Variants in CSMD3 observed in about 807,000 individuals in gnomAD.
CSMD3 encodes the protein CUB and Sushi multiple domains 3.
CSMD3 carries 177 observed loss-of-function variants against 435.2 expected under a neutral mutation model. The observed-to-expected ratio is 0.41, with a 90% CI of 0.36 to 0.46. CSMD3 has a LOEUF of 0.46. Ranked by LOEUF, CSMD3 falls within the 20% of genes least tolerant of loss-of-function variation. The pLI is 0.34. For missense variants in CSMD3, 4,265 were observed against 4,504.6 expected (o/e 0.95, Z 1.52); for synonymous variants, 1,656 against 1,520.5 (o/e 1.09, Z -2.07).
chr8:113,319,899 G>C (rs967213246), intron 1 of CSMD3, among the ~76,000 whole-genome samples: 2 of 151,886 alleles, frequency 1.3e-5, no homozygotes, highest in African/African-American at 4.8e-5. Context: ...AGTACATGTG[G>C]AACATCACCT....
rs2094708928 is a variant in CSMD3 at position 113,436,733 on chromosome 8, T to C, written c.122A>G (p.Lys41Arg). Residue 41 changes from lysine (K) to arginine (R), a missense_variant, in exon 1 of 71, where the codon AAA becomes AGA. Physicochemically the swap from Lys to Arg is conservative, Grantham distance 26. Around this residue, in one of 3 missense-constraint regions of CSMD3, gnomAD observed 731 missense variants for 755.4 expected, o/e 0.97. Transcript: ENST00000297405. ...GAGGTTCCAAAACGTAAATCCACTT[T>C]TAATCCCCATTTTCTTCATCAGGAT... ...DFILMKKMGI[K>R]SGFTFWNLVF... 6.2e-7 allele frequency: 1 copy of C among 1,614,072 alleles called. No individual in the cohort carries two copies. Among genetic ancestry groups the C allele is most frequent in the African/African-American group, 1.3e-5 (1 of 74,926 alleles).
At chr8:112,566,092 A>G (rs145805488) in intron 24 of CSMD3, among the ~76,000 whole-genome samples, 64 of 150,420 alleles carry the variant, frequency 4.3e-4, no homozygotes, top group African/African-American at 1.6e-3. Context: ...CATTAAATCT[A>G]TAAAACTTGA....
chr8:112,430,995 T>A (rs771013574), intron 32 of CSMD3, among the ~76,000 whole-genome samples: 3 of 152,092 alleles, frequency 2.0e-5, no homozygotes, highest in African/African-American at 4.8e-5. Context: ...TTTAATGCTC[T>A]GACTAGTTGT....
At chr8:113,316,813 A>C (rs1185169542) in intron 1 of CSMD3, among the ~76,000 whole-genome samples, 1 of 18,902 alleles carries the variant, frequency 5.3e-5, no homozygotes, top group Non-Finnish European at 8.2e-5. Context: ...GCCTCCAAAA[A>C]TGCTGGATTA....
intron 1 of CSMD3, among the ~76,000 whole-genome samples, chr8:113,377,528 G>T (rs1188681506): frequency 6.6e-6 from 1 of 152,154 alleles, no homozygotes; most frequent in Non-Finnish European, 1.5e-5. Flanking sequence ...CTATCTGAAA[G>T]CTGAGTTTTA....
chr8:112,836,132 T>C (rs1025388629), intron 11 of CSMD3, among the ~76,000 whole-genome samples: 4 of 152,038 alleles, frequency 2.6e-5, no homozygotes, highest in African/African-American at 9.6e-5. Flanking sequence ...TTAGGGATTC[T>C]GGACATATCT....
At chr8:112,757,402 A>C (rs1187267528) in intron 13 of CSMD3, among the ~76,000 whole-genome samples, 1 of 152,108 alleles carries the variant, frequency 6.6e-6, no homozygotes, top group Non-Finnish European at 1.5e-5. Flanking sequence ...ATATACATAT[A>C]TGTAATATTG....
chr8:113,201,667 T>C (rs908665686), intron 3 of CSMD3, among the ~76,000 whole-genome samples: 3 of 152,022 alleles, frequency 2.0e-5, no homozygotes, highest in Non-Finnish European at 4.4e-5. Context: ...TGGCTATTAC[T>C]ACAACCAGAG....
At chr8:112,747,021 T>A (rs2077442302) in intron 13 of CSMD3, among the ~76,000 whole-genome samples, 2 of 152,020 alleles carry the variant, frequency 1.3e-5, no homozygotes, top group Admixed American at 6.6e-5. Flanking sequence ...AGGCATTCAT[T>A]TACATGCTCA....
intron 17 of CSMD3, among the ~76,000 whole-genome samples, chr8:112,660,114 G>A (rs1220920444): frequency 6.6e-6 from 1 of 152,110 alleles, no homozygotes; most frequent in African/African-American, 2.4e-5. Flanking sequence ...CTCAGAATAA[G>A]AGGAATTATT....
chr8:113,093,058 A>G (rs1309403919), intron 5 of CSMD3, among the ~76,000 whole-genome samples: 1 of 152,124 alleles, frequency 6.6e-6, no homozygotes, highest in Non-Finnish European at 1.5e-5. Flanking sequence ...ACATTTCACA[A>G]ATGTATGTAA....
intron 5 of CSMD3, among the ~76,000 whole-genome samples, chr8:113,053,571 GTAT>G (rs2088188732): frequency 6.6e-6 from 1 of 151,862 alleles, no homozygotes; most frequent in African/African-American, 2.4e-5. Flanking sequence ...TTAATTTTAT[GTAT>G]ATTTAATATA....
At chr8:112,490,078 C>T (rs1033373747) in intron 31 of CSMD3, among the ~76,000 whole-genome samples, 4 of 152,106 alleles carry the variant, frequency 2.6e-5, no homozygotes, top group Non-Finnish European at 5.9e-5. Flanking sequence ...TTTATCAGCA[C>T]TTTGCTTCTC....
chr8:112,328,136 C>T (rs1330020047), intron 45 of CSMD3, among the ~76,000 whole-genome samples: 1 of 152,138 alleles, frequency 6.6e-6, no homozygotes, highest in Non-Finnish European at 1.5e-5. Flanking sequence ...TCTATATAAG[C>T]CCCAGTGTAC....
At chr8:112,735,689 G>A (rs546557579) in intron 13 of CSMD3, among the ~76,000 whole-genome samples, 2 of 152,066 alleles carry the variant, frequency 1.3e-5, no homozygotes, top group South Asian at 2.1e-4. Context: ...TCAAAGGGAG[G>A]CCTTGGTCTT....
intron 6 of CSMD3, among the ~76,000 whole-genome samples, chr8:112,990,579 G>C (rs1487361873): frequency 6.6e-6 from 1 of 151,796 alleles, no homozygotes; most frequent in African/African-American, 2.4e-5. Flanking sequence ...ATGCCAAGGT[G>C]AAAAGAAAAT....
At chr8:112,230,892 G>T (rs1185155947) in intron 69 of CSMD3, among the ~76,000 whole-genome samples, 2 of 152,094 alleles carry the variant, frequency 1.3e-5, no homozygotes, top group South Asian at 2.1e-4. Flanking sequence ...TATTCTTTGT[G>T]TATCCCTGTC....
At chr8:112,670,858 G>T (rs1174106913) in intron 16 of CSMD3, among the ~76,000 whole-genome samples, 3 of 152,128 alleles carry the variant, frequency 2.0e-5, no homozygotes, top group African/African-American at 4.8e-5. Context: ...ATTGGTTGAT[G>T]TTCAAGTTTC....
chr8:112,301,854 G>A lies in CSMD3; in HGVS notation c.8379C>T (p.Gly2793=), dbSNP rs777678976. 1.2e-5 allele frequency: 19 copies of A among 1,613,662 alleles called. No individual in the cohort carries two copies. Among genetic ancestry groups the A allele is most frequent in the Middle Eastern group, 1.6e-4 (1 of 6,084 alleles). Residue 2793 remains glycine, a synonymous_variant, in exon 53 of 71, where the codon GGC becomes GGT. Transcript: ENST00000297405. ...AGGAAAGGCATTCCCTTACAGCAGAGCCCACAAGCATGAATCCCAAGTCGC... is the reference window on the plus strand; with the variant it reads ...AGGAAAGGCATTCCCTTACAGCAGAACCCACAAGCATGAATCCCAAGTCGC... ...FTCDLGFMLV[G]SAVRECLSSG...
Sources: gnomAD v4.1 joint callset for allele counts (sites outside exome capture counted in the v4.1 genomes callset) on GRCh38, gnomAD v4.1.1 for gene constraint, gnomAD v4.1.1 regional missense constraint, MANE v1.5 for transcripts, NCBI Gene and HGNC (gene_info 2026-07-23, HGNC 2026-07-21) for gene names.